Variants in COX10 observed in about 807,000 individuals in gnomAD.
The protein encoded by COX10 is cytochrome c oxidase assembly factor heme A:farnesyltransferase COX10.
A neutral mutation model predicts 37.3 loss-of-function variants in COX10; 27 were observed. The observed-to-expected ratio is 0.72, with a 90% CI of 0.53 to 1.00. The LOEUF is 1.00. Ranked by LOEUF, COX10 falls within the 50% of genes least tolerant of loss-of-function variation. COX10 has a pLI of 0.00. For synonymous variants in COX10, 222 were observed against 229.1 expected, an observed-to-expected ratio of 0.97 and a Z score of 0.28; for missense variants, 475 against 563.2, an observed-to-expected ratio of 0.84 and a Z score of 1.59.
chr17:14,134,470 T>C (rs1404631843), intron 4 of COX10, among the ~76,000 whole-genome samples: 2 of 151,794 alleles, frequency 1.3e-5, no homozygotes, highest in Non-Finnish European at 3.0e-5. Flanking sequence ...CATTGGGAGA[T>C]GAAAAGCATC....
chr17:14,196,021 A>G (rs772204938), intron 6 of COX10, among the ~76,000 whole-genome samples: 2 of 152,158 alleles, frequency 1.3e-5, no homozygotes, highest in Non-Finnish European at 2.9e-5. Context: ...GGGGACATGT[A>G]TAGTTATAAA....
intron 4 of COX10, among the ~76,000 whole-genome samples, chr17:14,129,889 C>T (rs1291452237): frequency 6.6e-6 from 1 of 152,126 alleles, no homozygotes; most frequent in Non-Finnish European, 1.5e-5. Context: ...TTTCTTCAGC[C>T]TGTGCATCAG....
intron 4 of COX10, among the ~76,000 whole-genome samples, chr17:14,110,693 C>T (rs777503318): frequency 6.6e-6 from 1 of 152,056 alleles, no homozygotes; most frequent in Middle Eastern, 3.4e-3. Context: ...CATTAGCCTC[C>T]TAGTTCTCTG....
chr17:14,173,220 T>C (rs773409587), intron 5 of COX10, among the ~76,000 whole-genome samples: 40 of 152,326 alleles, frequency 2.6e-4, no homozygotes, highest in Non-Finnish European at 5.3e-4. Flanking sequence ...ACCTGGCAGG[T>C]AGCTAATGCT....
intron 3 of COX10, among the ~76,000 whole-genome samples, chr17:14,089,569 A>G (rs765031981): frequency 1.3e-5 from 2 of 152,190 alleles, no homozygotes; most frequent in Non-Finnish European, 2.9e-5. Flanking sequence ...CTGTTAGTGA[A>G]CGTTGAAGAA....
At chr17:14,160,842 T>C (rs1037099562) in intron 5 of COX10, among the ~76,000 whole-genome samples, 2 of 152,256 alleles carry the variant, frequency 1.3e-5, no homozygotes, top group African/African-American at 2.4e-5. Flanking sequence ...TCTACTGATA[T>C]TTTATTTCCT....
At chr17:14,071,173 A>G (rs749068491) in intron 1 of COX10, among the ~76,000 whole-genome samples, 12 of 152,244 alleles carry the variant, frequency 7.9e-5, no homozygotes, top group East Asian at 1.9e-4. Flanking sequence ...TCTTCTCTGT[A>G]TGGAGGTTTT....
chr17:14,094,639 CTTAGA>C (rs1333398387), intron 3 of COX10, among the ~76,000 whole-genome samples: 1 of 152,150 alleles, frequency 6.6e-6, no homozygotes, highest in Non-Finnish European at 1.5e-5. Context: ...AGAGAGATAA[CTTAGA>C]TTATAGTACA....
chr17:14,095,811 T>G (rs1382073038), intron 3 of COX10, among the ~76,000 whole-genome samples: 1 of 152,172 alleles, frequency 6.6e-6, no homozygotes, highest in Non-Finnish European at 1.5e-5. Context: ...CATGGCTTGC[T>G]CTTAGCTCCT....
intron 4 of COX10, 121 bp downstream of exon 4, chr17:14,102,363 A>ATATCC: frequency 6.9e-7 from 1 of 1,438,874 alleles, no homozygotes; most frequent in Non-Finnish European, 9.6e-7. Flanking sequence ...GTAACACTAT[A>ATATCC]TATCCTATAG....
At chr17:14,186,974 CT>C (rs1906048516) in intron 5 of COX10, among the ~76,000 whole-genome samples, 1 of 117,750 alleles carries the variant, frequency 8.5e-6, no homozygotes, top group Non-Finnish European at 1.9e-5. Flanking sequence ...GTAAACTTGT[CT>C]TATTTTAAGG....
chr17:14,157,357 G>A (rs774900508), intron 4 of COX10, among the ~76,000 whole-genome samples: 1 of 152,196 alleles, frequency 6.6e-6, no homozygotes, highest in Non-Finnish European at 1.5e-5. Context: ...GAGGAGCACT[G>A]AGAGAATGTA....
chr17:14,129,293 T>C (rs2142218185), intron 4 of COX10, among the ~76,000 whole-genome samples: 1 of 151,954 alleles, frequency 6.6e-6, no homozygotes, highest in South Asian at 2.1e-4. Context: ...ACACTTTATA[T>C]TTCAAAATAT....
At chr17:14,139,292 C>G (rs1904473634) in intron 4 of COX10, among the ~76,000 whole-genome samples, 1 of 152,040 alleles carries the variant, frequency 6.6e-6, no homozygotes, top group African/African-American at 2.4e-5. Flanking sequence ...TTTTCACCTG[C>G]TTTAATAAAA....
chr17:14,161,883 G>A (rs1373524591), intron 5 of COX10, among the ~76,000 whole-genome samples: 1 of 152,152 alleles, frequency 6.6e-6, no homozygotes, highest in Non-Finnish European at 1.5e-5. Context: ...ATAATTGCAT[G>A]AGCCAATTCC....
chr17:14,106,198 G>A (rs574504311), intron 4 of COX10, among the ~76,000 whole-genome samples: 2 of 151,910 alleles, frequency 1.3e-5, no homozygotes, highest in Non-Finnish European at 2.9e-5. Context: ...TGTATTTTTA[G>A]TTGAGACGTG....
At chr17:14,165,952 A>G (rs923319333) in intron 5 of COX10, among the ~76,000 whole-genome samples, 3 of 152,248 alleles carry the variant, frequency 2.0e-5, no homozygotes, top group Admixed American at 1.3e-4. Context: ...CTTCAGTTTT[A>G]TGAAGGCTGA....
intron 4 of COX10, among the ~76,000 whole-genome samples, chr17:14,132,094 A>G (rs985790653): frequency 1.3e-5 from 2 of 151,950 alleles, no homozygotes; most frequent in African/African-American, 4.8e-5. Flanking sequence ...TAGAGTTTTA[A>G]TCATGAACCA....
intron 6 of COX10, among the ~76,000 whole-genome samples, chr17:14,199,475 G>C (rs1191902310): frequency 6.6e-6 from 1 of 152,224 alleles, no homozygotes; most frequent in African/African-American, 2.4e-5. Context: ...ACTGTTTTCA[G>C]AGTCAGAGCT....
Sources: allele counts gnomAD v4.1 joint callset (sites outside exome capture counted in the v4.1 genomes callset), GRCh38; gene constraint gnomAD v4.1.1; transcripts MANE v1.5; gene names NCBI Gene and HGNC (gene_info 2026-07-23, HGNC 2026-07-21).